The following ZFHX3 variants were observed in gnomAD, a reference collection of about 807,000 sequenced individuals.
ZFHX3 encodes zinc finger homeobox protein 3.
A neutral mutation model predicts 279.1 loss-of-function variants in ZFHX3; 42 were observed. That is an observed-to-expected ratio of 0.15 (90% CI 0.12 to 0.19). The LOEUF (loss-of-function observed/expected upper bound fraction) is 0.19. Ranked by LOEUF, ZFHX3 falls within the 10% of genes least tolerant of loss-of-function variation. The pLI is 1.00. For synonymous variants in ZFHX3, 2,293 were observed against 1,957.8 expected (o/e 1.17, Z -4.52); for missense variants, 4,981 against 4,754.0 (o/e 1.05, Z -1.40).
At chr16:72,814,073 G>A (rs1049382869) in intron 5 of ZFHX3, among the ~76,000 whole-genome samples, 3 of 151,942 alleles carry the variant, frequency 2.0e-5, no homozygotes, top group African/African-American at 7.3e-5. Flanking sequence ...GGTGGGTGAG[G>A]GCATCAAATA....
chr16:73,424,620 G>T (rs1444902519), intron 3 of ZFHX3, among the ~76,000 whole-genome samples: 1 of 151,796 alleles, frequency 6.6e-6, no homozygotes, highest in Non-Finnish European at 1.5e-5. Flanking sequence ...GAGGCATGGT[G>T]GTCCATGCTT....
chr16:73,166,337 G>A (rs928027172), intron 5 of ZFHX3, among the ~76,000 whole-genome samples: 1 of 152,126 alleles, frequency 6.6e-6, no homozygotes, highest in Non-Finnish European at 1.5e-5. Context: ...ATTCCGAGTC[G>A]GGTTTGGACA....
At chr16:73,171,514 C>T (rs974069466) in intron 5 of ZFHX3, among the ~76,000 whole-genome samples, 1 of 35,712 alleles carries the variant, frequency 2.8e-5, no homozygotes, top group African/African-American at 1.3e-4. Flanking sequence ...GGGTGGGGGG[C>T]GGGCAGAGTG....
chr16:73,579,334 G>A (rs1412438011), intron 2 of ZFHX3, among the ~76,000 whole-genome samples: 2 of 152,044 alleles, frequency 1.3e-5, no homozygotes, highest in African/African-American at 4.8e-5. Flanking sequence ...ACCACCCTGG[G>A]CACATGTCAT....
intron 7 of ZFHX3, among the ~76,000 whole-genome samples, chr16:73,100,911 T>G (rs564608050): frequency 2.2e-4 from 33 of 152,246 alleles, no homozygotes; most frequent in African/African-American, 7.2e-4. Flanking sequence ...TCCAGGATTC[T>G]CTAAGAAAGG....
intron 2 of ZFHX3, among the ~76,000 whole-genome samples, chr16:73,638,030 G>A (rs1451724920): frequency 1.3e-5 from 2 of 152,114 alleles, no homozygotes; most frequent in Non-Finnish European, 2.9e-5. Flanking sequence ...CCCAGTGTTA[G>A]GTAGGATACA....
chr16:73,493,485 A>G (rs1230876957), intron 2 of ZFHX3, among the ~76,000 whole-genome samples: 2 of 152,194 alleles, frequency 1.3e-5, no homozygotes, highest in Admixed American at 6.5e-5. Flanking sequence ...GAAGACAAAA[A>G]TTTATAATCC....
At chr16:73,820,515 G>A (rs764054742) in intron 1 of ZFHX3, among the ~76,000 whole-genome samples, 4 of 151,990 alleles carry the variant, frequency 2.6e-5, no homozygotes, top group Non-Finnish European at 5.9e-5. Flanking sequence ...GATAGGTTCT[G>A]GTCAACTGCA....
chr16:73,500,526 C>T (rs1433574411), intron 2 of ZFHX3, among the ~76,000 whole-genome samples: 2 of 151,750 alleles, frequency 1.3e-5, no homozygotes, highest in African/African-American at 4.8e-5. Flanking sequence ...AGGATTTCAC[C>T]ATGCTGCCCA....
At chr16:73,153,162 G>C (rs1376605493) in intron 5 of ZFHX3, among the ~76,000 whole-genome samples, 2 of 152,138 alleles carry the variant, frequency 1.3e-5, no homozygotes, top group Non-Finnish European at 2.9e-5. Flanking sequence ...AGTGAAGAAA[G>C]GGAACATGGA....
At chr16:73,308,235 AT>A (rs2015229646) in intron 4 of ZFHX3, among the ~76,000 whole-genome samples, 1 of 5,924 alleles carries the variant, frequency 1.7e-4, no homozygotes, top group South Asian at 3.1e-3. Flanking sequence ...ATATATATAT[AT>A]ATATATATAT....
chr16:73,670,362 A>G (rs1246991894), intron 2 of ZFHX3, among the ~76,000 whole-genome samples: 1 of 152,212 alleles, frequency 6.6e-6, no homozygotes, highest in Non-Finnish European at 1.5e-5. Context: ...ATAAAATTAT[A>G]AAAGACGAAA....
chr16:72,845,752 C>A (rs983372872), intron 4 of ZFHX3, among the ~76,000 whole-genome samples: 2 of 152,166 alleles, frequency 1.3e-5, no homozygotes, highest in African/African-American at 2.4e-5. Flanking sequence ...AAAACCAATA[C>A]CACGCGCCTG....
At position 72,787,653 on chromosome 16, in the gene ZFHX3, C is replaced by T. The variant is rs199530649; in HGVS notation, c.10623G>A (p.Glu3541=). ...ACTCGAGATGTTGACTCAGAGCTTC[C>T]TCCCCACAGAGCGCGCTCTCGCACG... ...CLACESALCG[E]EALSQHLESA... The change falls in exon 10 of 10, where the codon GAG becomes GAA. Residue 3541 remains glutamate, a synonymous_variant. Coordinates refer to ENST00000268489, the MANE Select transcript of ZFHX3 (RefSeq NM_006885.4). The T allele has an allele frequency of 3.1e-6, 5 of 1,597,866 alleles. No individual in the cohort carries two copies. In the South Asian group the frequency reaches 4.5e-5, roughly 14 times the overall value.
chr16:73,560,975 A>T (rs1485698201), intron 2 of ZFHX3, among the ~76,000 whole-genome samples: 1 of 152,226 alleles, frequency 6.6e-6, no homozygotes, highest in African/African-American at 2.4e-5. Flanking sequence ...ATCTAAATTG[A>T]TCCCTAATTA....
At chr16:73,789,189 TA>T (rs1049554025) in intron 1 of ZFHX3, among the ~76,000 whole-genome samples, 1 of 152,140 alleles carries the variant, frequency 6.6e-6, no homozygotes, top group South Asian at 2.1e-4. Context: ...TTTTATTATT[TA>T]TTTTTTTTGA....
At chr16:73,580,508 C>CAA (rs1555525963) in intron 2 of ZFHX3, among the ~76,000 whole-genome samples, 2 of 140,142 alleles carry the variant, frequency 1.4e-5, no homozygotes. Context: ...AACAAACAAA[C>CAA]AAAAAAAAAA....
chr16:73,436,010 C>G (rs1431907432), intron 3 of ZFHX3, among the ~76,000 whole-genome samples: 1 of 152,208 alleles, frequency 6.6e-6, no homozygotes, highest in Non-Finnish European at 1.5e-5. Flanking sequence ...CTGATAAAGA[C>G]ACACCTGAGA....
intron 1 of ZFHX3, among the ~76,000 whole-genome samples, chr16:73,869,099 C>G (rs1962102008): frequency 6.6e-6 from 1 of 152,106 alleles, no homozygotes; most frequent in African/African-American, 2.4e-5. Flanking sequence ...ATTAACCTCC[C>G]CAGTAGCTAG....
Sources: gnomAD v4.1 joint callset for allele counts (sites outside exome capture counted in the v4.1 genomes callset) on GRCh38, gnomAD v4.1.1 for gene constraint, MANE v1.5 for transcripts, NCBI Gene and HGNC (gene_info 2026-07-23, HGNC 2026-07-21) for gene names.